Variants in TDRP observed in about 807,000 individuals in gnomAD.
TDRP encodes testis development-related protein.
A neutral mutation model predicts 10.5 loss-of-function variants in TDRP; 12 were observed. That is an observed-to-expected ratio of 1.15 (90% CI 0.73 to 1.86). The LOEUF (loss-of-function observed/expected upper bound fraction) is 1.86. TDRP is among the 40% of genes most tolerant of loss of function. The pLI, the probability that TDRP is intolerant of heterozygous loss-of-function variation, is 0.00. For missense variants in TDRP, 353 were observed against 229.2 expected (o/e 1.54, Z -3.49); for synonymous variants, 139 against 95.4 (o/e 1.46, Z -2.67).
intron 1 of TDRP, among the ~76,000 whole-genome samples, chr8:524,694 T>C (rs141074908): frequency 7.2e-5 from 11 of 152,030 alleles, no homozygotes; most frequent in Non-Finnish European, 1.3e-4. Flanking sequence ...GTCTCAAAAG[T>C]AGAATTGATG....
At chr8:540,954 G>A (rs1389373904) in intron 1 of TDRP, among the ~76,000 whole-genome samples, 4 of 152,168 alleles carry the variant, frequency 2.6e-5, no homozygotes, top group African/African-American at 9.6e-5. Context: ...GACAGATTTG[G>A]AGGGTAGGAC....
chr8:508,134 T>C (rs1247419768), intron 1 of TDRP, among the ~76,000 whole-genome samples: 1 of 152,144 alleles, frequency 6.6e-6, no homozygotes, highest in Non-Finnish European at 1.5e-5. Flanking sequence ...ACGACGGCAA[T>C]GTTGCATCAA....
At chr8:535,785 G>C (rs1459413466) in intron 1 of TDRP, among the ~76,000 whole-genome samples, 1 of 137,894 alleles carries the variant, frequency 7.3e-6, no homozygotes, top group Non-Finnish European at 1.5e-5. Flanking sequence ...GGGCCCACCC[G>C]AGGCAGGTCT....
intron 1 of TDRP, among the ~76,000 whole-genome samples, chr8:510,834 C>T (rs113734541): frequency 2.3e-4 from 35 of 152,264 alleles, no homozygotes; most frequent in African/African-American, 2.4e-4. Flanking sequence ...TTATAAAATA[C>T]AGTACAGATA....
In TDRP at chr8:491,598, C is replaced by G. The variant is rs957722938; in HGVS notation, c.*801G>C. ...CAGTATTTTATGCACAGTCTTAACTCTCTATAATGAGCAAGACAATGTTTC... is the reference window on the plus strand; with the variant it reads ...CAGTATTTTATGCACAGTCTTAACTGTCTATAATGAGCAAGACAATGTTTC... On this transcript the variant is annotated 3_prime_UTR_variant, in exon 3 of 3. Coordinates refer to ENST00000324079, the MANE Select transcript of TDRP (RefSeq NM_001384899.1). The G allele has an allele frequency of 4.4e-5, 68 of 1,528,866 alleles. 1 individual carries two copies. The Admixed American group carries it at 1.2e-3, about 27-fold the overall frequency. The allele number at this position is 1,528,866 out of a possible 1,614,324, so 94.7% of individuals were successfully genotyped here.
intron 1 of TDRP, among the ~76,000 whole-genome samples, chr8:519,983 T>G (rs1369970944): frequency 6.6e-6 from 1 of 152,174 alleles, no homozygotes. Context: ...GCTAAATAAA[T>G]GCGTGTAAGG....
chr8:494,860 G>C, intron 1 of TDRP: 1 of 292,328 alleles, frequency 3.4e-6, no homozygotes, highest in Non-Finnish European at 6.4e-6. Flanking sequence ...TCAATATTTT[G>C]CCTCAAAAAG....
chr8:497,480 T>G (rs762149062), intron 1 of TDRP, among the ~76,000 whole-genome samples: 1 of 152,172 alleles, frequency 6.6e-6, no homozygotes, highest in Non-Finnish European at 1.5e-5. Flanking sequence ...GCCTGGGTGC[T>G]CCTAACAGCA....
At chr8:524,774 C>T (rs1584875369) in intron 1 of TDRP, among the ~76,000 whole-genome samples, 1 of 151,870 alleles carries the variant, frequency 6.6e-6, no homozygotes. Flanking sequence ...AGACATGAGA[C>T]AAAAGAATAA....
intron 2 of TDRP, among the ~76,000 whole-genome samples, chr8:494,181 T>A (rs1585131990): frequency 6.6e-6 from 1 of 152,046 alleles, no homozygotes; most frequent in South Asian, 2.1e-4. Flanking sequence ...CAGGCTGGTC[T>A]TGAACTCCTG....
chr8:529,495 T>C (rs963080317), intron 1 of TDRP, among the ~76,000 whole-genome samples: 7 of 152,214 alleles, frequency 4.6e-5, no homozygotes, highest in South Asian at 2.1e-4. Flanking sequence ...TATTGCTATT[T>C]AGCATCCTTT....
At chr8:495,563 C>T (rs1801102034) in intron 1 of TDRP, among the ~76,000 whole-genome samples, 1 of 152,178 alleles carries the variant, frequency 6.6e-6, no homozygotes, top group Admixed American at 6.5e-5. Context: ...GAAAATCCGG[C>T]GTGTGTCGAA....
In TDRP at chr8:492,595, G is replaced by C. The variant is rs921085145; in HGVS notation, c.362C>G (p.Ala121Gly). ...GCCACCCACGGTGTCCTCAGGGTCA[G>C]CCGATATGTCTTCAAGAGCAAGTTT... Reference protein sequence around the residue: ...PPKLALEDISADPEDTVGGHP... With the variant: ...PPKLALEDISGDPEDTVGGHP... The change falls in exon 3 of 3, where the codon GCT becomes GGT. Residue 121 changes from alanine to glycine, a missense_variant. Ala to Gly is a moderately conservative substitution (Grantham distance 60, BLOSUM62 0). Coordinates refer to ENST00000324079, the MANE Select transcript of TDRP (RefSeq NM_001384899.1). 5 of 1,613,958 alleles carry C rather than the reference G, an allele frequency of 3.1e-6. No homozygotes were observed. The Admixed American group carries it at 8.3e-5, about 27-fold the overall frequency.
intron 1 of TDRP, among the ~76,000 whole-genome samples, chr8:522,607 C>T (rs964049138): frequency 1.6e-4 from 24 of 152,130 alleles, no homozygotes; most frequent in Non-Finnish European, 2.8e-4. Flanking sequence ...TATGCTTTGC[C>T]CCGCACAGAT....
At position 492,393 on chromosome 8, in the gene TDRP, C is replaced by A. The variant is rs1220939640; in HGVS notation, c.*6G>T. On this transcript the variant is annotated 3_prime_UTR_variant, in exon 3 of 3. Transcript: ENST00000324079. ...ATGTCGGGGCACACTTGCCACGCAGCCCCCCTCACTCCGCCTCCTCCGGGC... is the reference window on the plus strand; with the variant it reads ...ATGTCGGGGCACACTTGCCACGCAGACCCCCTCACTCCGCCTCCTCCGGGC... The A allele has an allele frequency of 4.6e-6, 7 of 1,509,822 alleles. No individual in the cohort carries two copies. Among genetic ancestry groups the A allele is most frequent in the Admixed American group, 2.1e-5 (1 of 47,158 alleles). 93.5% of individuals were successfully genotyped at this position (1,509,822 alleles called of 1,614,324 possible). A position where few individuals can be genotyped will look rare whatever the true frequency, so the allele number is the denominator to read the frequency against.
chr8:495,976 G>A (rs534121389), intron 1 of TDRP, among the ~76,000 whole-genome samples: 2 of 152,200 alleles, frequency 1.3e-5, no homozygotes, highest in Non-Finnish European at 2.9e-5. Context: ...ACGGGGGACA[G>A]GCCCTCCAAC....
intron 1 of TDRP, among the ~76,000 whole-genome samples, chr8:523,684 T>C (rs570206108): frequency 5.9e-5 from 9 of 152,236 alleles, no homozygotes; most frequent in African/African-American, 2.2e-4. Flanking sequence ...CCTGGGGCAG[T>C]GGTAGCCAAG....
intron 1 of TDRP, among the ~76,000 whole-genome samples, chr8:539,424 G>A (rs1802433347): frequency 6.6e-6 from 1 of 152,162 alleles, no homozygotes; most frequent in South Asian, 2.1e-4. Context: ...TGTTGAAGCT[G>A]CCCAGTTTAT....
At chr8:539,716 A>G (rs899169427) in intron 1 of TDRP, among the ~76,000 whole-genome samples, 5 of 152,228 alleles carry the variant, frequency 3.3e-5, no homozygotes, top group Non-Finnish European at 7.3e-5. Context: ...CTCCAGCAGA[A>G]CATCAGGCCT....
Sources: allele counts gnomAD v4.1 joint callset (sites outside exome capture counted in the v4.1 genomes callset), GRCh38; gene constraint gnomAD v4.1.1; transcripts MANE v1.5; gene names NCBI Gene and HGNC (gene_info 2026-07-23, HGNC 2026-07-21).